Variants in WNT11 observed in about 807,000 individuals in gnomAD.
WNT11 encodes the protein protein Wnt-11.
In WNT11, 20 loss-of-function variants were observed where a neutral mutation model predicts 35.6. The ratio of observed to expected loss-of-function variants is 0.56; its 90% confidence interval spans 0.40 to 0.82. The LOEUF (loss-of-function observed/expected upper bound fraction) is 0.82. WNT11 is among the 40% of genes least tolerant of loss of function. The probability of loss-of-function intolerance (pLI) is 0.00; values close to 1 mark genes in which losing one functional copy is unlikely to be tolerated. For missense variants in WNT11, 459 were observed against 504.4 expected, an observed-to-expected ratio of 0.91 and a Z score of 0.86; for synonymous variants, 200 against 211.9, an observed-to-expected ratio of 0.94 and a Z score of 0.49.
intron 1 of WNT11, among the ~76,000 whole-genome samples, chr11:76,202,330 C>T (rs1207984164): frequency 1.3e-5 from 2 of 152,172 alleles, no homozygotes; most frequent in Non-Finnish European, 2.9e-5. Context: ...CTCAGTCTTG[C>T]CCTGGAATCC....
chr11:76,195,776 G>A (rs1565193644), intron 2 of WNT11, among the ~76,000 whole-genome samples: 2 of 152,210 alleles, frequency 1.3e-5, no homozygotes, highest in Non-Finnish European at 2.9e-5. Flanking sequence ...TAGAATACGG[G>A]TGATAACAGC....
At chr11:76,190,707 C>G (rs1953170245) in intron 4 of WNT11, 1 of 152,198 alleles carries the variant, frequency 6.6e-6, no homozygotes, top group Non-Finnish European at 1.5e-5. Context: ...CTCTGGGAAA[C>G]ACTGGCTTAA....
chr11:76,187,361 A>C, intron 4 of WNT11, 122 bp from the exon 5 acceptor site: 1 of 936,302 alleles, frequency 1.1e-6, no homozygotes, highest in Non-Finnish European at 1.5e-6. Context: ...CCTTCTTAGA[A>C]GCTGTCTTGA....
At chr11:76,207,362 TCAAA>T (rs969690264), upstream of WNT11, among the ~76,000 whole-genome samples, 6 of 152,130 alleles carry the variant, frequency 3.9e-5, no homozygotes, top group African/African-American at 9.7e-5. Context: ...AAACTCCGTC[TCAAA>T]CAAACAGACA....
At chr11:76,210,282 C>T (rs1953546822), upstream of WNT11, 3 of 409,202 alleles carry the variant, frequency 7.3e-6, no homozygotes, top group Non-Finnish European at 9.9e-6. Context: ...AGGCTTCGCT[C>T]CGCAAAGGGG....
chr11:76,191,739 T>C lies in WNT11; in HGVS notation c.715A>G (p.Thr239Ala), dbSNP rs775097764. 67 of 1,613,472 alleles carry C rather than the reference T, an allele frequency of 4.2e-5. 1 individual carries two copies. Among genetic ancestry groups the C allele is most frequent in the Admixed American group, 1.2e-4 (7 of 59,984 alleles). Residue 239 changes from threonine to alanine, a missense_variant, in exon 4 of 5, where the codon ACC becomes GCC. Thr to Ala is a moderately conservative substitution (Grantham distance 58, BLOSUM62 0). Transcript: ENST00000322563. ...ELQDVAADLKTRYLSATKVVH... is the reference protein window; with the variant it reads ...ELQDVAADLKARYLSATKVVH... ...ACCTTGGTGGCCGACAGGTATCGGG[T>C]CTTGAGGTCAGCAGCCACATCCTGC...
In WNT11 at chr11:76,194,710, TCCCGGG is replaced by T; in HGVS notation, c.448_453del (p.Pro150_Gly151del). 2 of 1,550,530 alleles carry T rather than the reference TCCCGGG, an allele frequency of 1.3e-6. No individual in the cohort carries two copies. Among genetic ancestry groups the T allele is most frequent in the Non-Finnish European group, 1.7e-6 (2 of 1,147,014 alleles). ...TTGTCCGCACATCCTCCCCAGCGGTTCCCGGGCCCGGGTGGCTCACCTGGGACGGGG... is the reference window on the plus strand; with the variant it reads ...TTGTCCGCACATCCTCCCCAGCGGTTCCCGGGTGGCTCACCTGGGACGGGG... On this transcript the variant is annotated inframe_deletion, in exon 3 of 5. Coordinates refer to ENST00000322563, the MANE Select transcript of WNT11 (RefSeq NM_004626.3). This position sits in a 1 kb window ranked among gnomAD's most constrained non-coding sequence, Gnocchi z 5.4.
intron 4 of WNT11, among the ~76,000 whole-genome samples, chr11:76,189,756 A>G (rs1308378338): frequency 6.6e-6 from 1 of 152,114 alleles, no homozygotes; most frequent in African/African-American, 2.4e-5. Flanking sequence ...GGGACCTCCC[A>G]CCAGCACCTG....
intron 1 of WNT11, among the ~76,000 whole-genome samples, chr11:76,201,280 C>T (rs1027650167): frequency 2.0e-5 from 3 of 152,224 alleles, no homozygotes; most frequent in Non-Finnish European, 2.9e-5. Context: ...CAGGAGCAGG[C>T]TGCCATGCGT....
Position 76,194,923 on chromosome 11 carries a change from C to T in WNT11, c.320-79G>A, listed in dbSNP as rs532436376. The T allele has an allele frequency of 1.0e-4, 146 of 1,423,302 alleles. No homozygotes were observed. In the African/African-American group the frequency reaches 2.0e-3, roughly 20 times the overall value. The allele number at this position is 1,423,302 out of a possible 1,614,324, so 88.2% of individuals were successfully genotyped here. ...CCAGGTCAGAGGTCCTCCACCTTCG[C>T]CCACACCCTGCTGTAACCAAGGTGA... On this transcript the variant is annotated intron_variant, in intron 2 of 4. Transcript: ENST00000322563. This position sits in a 1 kb window ranked among gnomAD's most constrained non-coding sequence, Gnocchi z 5.4.
intron 3 of WNT11, among the ~76,000 whole-genome samples, chr11:76,192,836 G>C (rs1953206637): frequency 6.6e-6 from 1 of 152,156 alleles, no homozygotes; most frequent in Admixed American, 6.5e-5. Context: ...CACAAGACTT[G>C]GATTCCTCTG....
At chr11:76,203,195 G>C (rs139459666) in intron 1 of WNT11, among the ~76,000 whole-genome samples, 56 of 152,340 alleles carry the variant, frequency 3.7e-4, no homozygotes, top group Admixed American at 6.5e-4. Context: ...TGCATCCTGA[G>C]GTAGGGCTCC....
intron 3 of WNT11, among the ~76,000 whole-genome samples, chr11:76,192,074 A>G (rs1169277428): frequency 6.6e-6 from 1 of 152,206 alleles, no homozygotes; most frequent in African/African-American, 2.4e-5. Context: ...AGGCATTTTC[A>G]GGGATAGGGA....
At position 76,206,354 on chromosome 11, in the gene WNT11, C is replaced by G. The variant is rs1158265622; in HGVS notation, c.54G>C (p.Gln18His). ...CEALLFALALQTGVCYGIKWL... is the reference protein window; with the variant it reads ...CEALLFALALHTGVCYGIKWL... Reference sequence around the variant, plus strand: ...ACTTGATGCCATAGCACACGCCGGTCTGGAGCGCCAGGGCGAAGAGCAGCG... The same window carrying G: ...ACTTGATGCCATAGCACACGCCGGTGTGGAGCGCCAGGGCGAAGAGCAGCG... Residue 18 changes from glutamine to histidine, a missense_variant, in exon 1 of 5, where the codon CAG becomes CAC. Transcript: ENST00000322563. 2 of 1,573,540 alleles carry G rather than the reference C, an allele frequency of 1.3e-6. No homozygotes were observed. Among genetic ancestry groups the G allele is most frequent in the African/African-American group, 1.4e-5 (1 of 72,794 alleles).
chr11:76,195,657 C>T (rs189533249), intron 2 of WNT11, among the ~76,000 whole-genome samples: 128 of 152,312 alleles, frequency 8.4e-4, no homozygotes, highest in African/African-American at 2.7e-3. Flanking sequence ...GAAACGAATA[C>T]GGCACTCAGG....
chr11:76,210,397 C>G, upstream of WNT11: 1 of 982,080 alleles, frequency 1.0e-6, no homozygotes, highest in East Asian at 1.1e-4. Context: ...AGCGTCGTCC[C>G]CCTCGGACTC....
Position 76,206,474 on chromosome 11 carries a change from G to C in WNT11, c.-67C>G, listed in dbSNP as rs1298132756. On this transcript the variant is annotated 5_prime_UTR_variant, in exon 1 of 5. Transcript: ENST00000322563. ...CCGCGCCGAAGTCCTCCGCCTGCAC[G>C]GCCGCCGCTGGTCCTGCACGCCGCC... 1 of 1,319,332 alleles carries C rather than the reference G, an allele frequency of 7.6e-7. No individual in the cohort carries two copies. The highest frequency in any genetic ancestry group is 9.6e-7 in the Non-Finnish European group (1 of 1,036,332). The allele number at this position is 1,319,332 out of a possible 1,614,324, so 81.7% of individuals were successfully genotyped here. A position where few individuals can be genotyped will look rare whatever the true frequency, so the allele number is the denominator to read the frequency against.
intron 1 of WNT11, among the ~76,000 whole-genome samples, chr11:76,199,952 G>T (rs576946246): frequency 6.6e-6 from 1 of 152,160 alleles, no homozygotes; most frequent in Non-Finnish European, 1.5e-5. Flanking sequence ...CCCTCTCTGG[G>T]CATCAACTAC....
rs113758423 is a variant in WNT11, at chr11:76,191,875, G to A, written c.598-19C>T. 536 of 1,583,636 alleles carry A rather than the reference G, an allele frequency of 3.4e-4. 1 individual carries two copies. The African/African-American group carries it at 5.2e-3, about 15-fold the overall frequency. On this transcript the variant is annotated intron_variant, in intron 3 of 4. Coordinates refer to ENST00000322563, the MANE Select transcript of WNT11 (RefSeq NM_004626.3). ...GCAGAGCCTGCGGACAGGGGAAGGC[G>A]TCAGCTGGGTGGCCAGAGTCCCCTC...
Sources: gnomAD v4.1 joint callset for allele counts (sites outside exome capture counted in the v4.1 genomes callset) on GRCh38, gnomAD v4.1.1 for gene constraint, Gnocchi (gnomAD v3.1) non-coding constraint, MANE v1.5 for transcripts, NCBI Gene and HGNC (gene_info 2026-07-23, HGNC 2026-07-21) for gene names.